SSBP2: variants seen among roughly 807,000 people sequenced by gnomAD.
SSBP2 encodes the protein single-stranded DNA-binding protein 2.
Under a neutral mutation model 61.8 loss-of-function variants are expected in SSBP2, and 17 were observed. The ratio of observed to expected loss-of-function variants is 0.28; its 90% confidence interval spans 0.19 to 0.41. SSBP2 has a LOEUF of 0.41. Ranked by LOEUF, SSBP2 falls within the 10% of genes least tolerant of loss-of-function variation. The pLI, the probability that SSBP2 is intolerant of heterozygous loss-of-function variation, is 1.00. For synonymous variants in SSBP2, 139 were observed against 141.3 expected (o/e 0.98, Z 0.12); for missense variants, 310 against 458.7 (o/e 0.68, Z 2.96).
At chr5:81,655,396 T>C (rs74822970) in intron 1 of SSBP2, among the ~76,000 whole-genome samples, 12,302 of 152,192 alleles carry the variant, frequency 0.081, 567 homozygotes, top group Middle Eastern at 0.11. Context: ...AAGAGTCAGC[T>C]GCAAAAAGTA....
chr5:81,715,855 G>A (rs946559838), intron 1 of SSBP2, among the ~76,000 whole-genome samples: 15 of 151,994 alleles, frequency 9.9e-5, no homozygotes, highest in South Asian at 6.2e-4. Flanking sequence ...CCAGGAGTTC[G>A]AGACCAGCCT....
At chr5:81,574,394 T>C (rs1290581971) in intron 4 of SSBP2, among the ~76,000 whole-genome samples, 5 of 150,636 alleles carry the variant, frequency 3.3e-5, no homozygotes, top group African/African-American at 4.9e-5. Context: ...AAACAAAAGA[T>C]GGAAAATACA....
chr5:81,633,202 G>C (rs1439887624), intron 3 of SSBP2, among the ~76,000 whole-genome samples: 1 of 134,672 alleles, frequency 7.4e-6, no homozygotes, highest in Non-Finnish European at 1.5e-5. Flanking sequence ...TGTAACCTCC[G>C]TCTCCCAGGT....
Position 81,469,584 on chromosome 5 carries a change from C to T in SSBP2, c.571-2543G>A, listed in dbSNP as rs536314531. Reference sequence around the variant, plus strand: ...TATACTTCCTGCTAAATAATAAGTACCTTGAAGGCAGCATATCTATGTTAC... The same window carrying T: ...TATACTTCCTGCTAAATAATAAGTATCTTGAAGGCAGCATATCTATGTTAC... On this transcript the variant is annotated intron_variant, in intron 8 of 16. Transcript: ENST00000320672. Among the ~76,000 whole-genome samples, 3 of 151,924 alleles carry T rather than the reference C, an allele frequency of 2.0e-5. No individual in the cohort carries two copies. In the South Asian group the frequency reaches 6.2e-4, roughly 32 times the overall value.
rs143912818 is a variant in SSBP2 at position 81,701,160 on chromosome 5, G to A, written c.62+49821C>T. Among the ~76,000 whole-genome samples the A allele has an allele frequency of 2.0e-5, 3 of 152,284 alleles. No individual in the cohort carries two copies. The East Asian group carries it at 5.8e-4, about 29-fold the overall frequency. On this transcript the variant is annotated intron_variant, in intron 1 of 16. Coordinates refer to ENST00000320672, the MANE Select transcript of SSBP2 (RefSeq NM_012446.5). ...TCTTCCTTTCACTTGAACACTTAGA[G>A]GCCATTGTAGGTTATTAATTGGCCT...
intron 16 of SSBP2, among the ~76,000 whole-genome samples, chr5:81,423,106 AT>A (rs1232583355): frequency 1.3e-5 from 2 of 152,234 alleles, no homozygotes; most frequent in African/African-American, 4.8e-5. Flanking sequence ...ATATGGCAAA[AT>A]GGGCACAGAT....
chr5:81,691,284 TC>T (rs1027235605), intron 1 of SSBP2, among the ~76,000 whole-genome samples: 4 of 151,928 alleles, frequency 2.6e-5, no homozygotes, highest in Non-Finnish European at 5.9e-5. Flanking sequence ...GTTGTTTTTT[TC>T]CAAAGATAAA....
intron 15 of SSBP2, among the ~76,000 whole-genome samples, chr5:81,431,486 C>T (rs1333687466): frequency 1.3e-5 from 2 of 152,096 alleles, no homozygotes; most frequent in Non-Finnish European, 2.9e-5. Context: ...CACATATATG[C>T]ACACACACAT....
intron 1 of SSBP2, among the ~76,000 whole-genome samples, chr5:81,653,071 A>G (rs193021865): frequency 2.6e-4 from 40 of 151,508 alleles, no homozygotes; most frequent in Admixed American, 9.2e-4. Flanking sequence ...TACATTAGGT[A>G]TTTCTCCTAA....
chr5:81,741,491 TTA>T (rs372360146), intron 1 of SSBP2, among the ~76,000 whole-genome samples: 4 of 152,066 alleles, frequency 2.6e-5, no homozygotes, highest in Admixed American at 1.3e-4. Flanking sequence ...AAATTTTAGG[TTA>T]TATATATATT....
intron 1 of SSBP2, among the ~76,000 whole-genome samples, chr5:81,688,589 A>C (rs558785178): frequency 1.3e-5 from 2 of 152,302 alleles, no homozygotes; most frequent in South Asian, 4.1e-4. Flanking sequence ...TGTTTGGAAG[A>C]AAGTAAAGAA....
intron 1 of SSBP2, among the ~76,000 whole-genome samples, chr5:81,675,142 T>C (rs938566646): frequency 3.3e-5 from 5 of 152,138 alleles, no homozygotes; most frequent in Non-Finnish European, 5.9e-5. Context: ...AGCACAAACA[T>C]ATACACATGC....
At chr5:81,724,816 T>A (rs1227202581) in intron 1 of SSBP2, among the ~76,000 whole-genome samples, 1 of 152,024 alleles carries the variant, frequency 6.6e-6, no homozygotes. Context: ...AATTAAGGAT[T>A]CCTTATCAAA....
chr5:81,558,292 G>A (rs1049600517), intron 4 of SSBP2, among the ~76,000 whole-genome samples: 1 of 152,074 alleles, frequency 6.6e-6, no homozygotes, highest in African/African-American at 2.4e-5. Context: ...AAAACTGGGT[G>A]GCTTAAACAA....
At chr5:81,678,784 A>C (rs556689769) in intron 1 of SSBP2, among the ~76,000 whole-genome samples, 1 of 152,294 alleles carries the variant, frequency 6.6e-6, no homozygotes, top group Admixed American at 6.5e-5. Context: ...GAAAAAAAAT[A>C]AAAGAACGCC....
intron 1 of SSBP2, among the ~76,000 whole-genome samples, chr5:81,729,252 G>A (rs1051634296): frequency 6.6e-6 from 1 of 152,012 alleles, no homozygotes; most frequent in African/African-American, 2.4e-5. Flanking sequence ...GGTTATATTT[G>A]CGCATAAAAA....
chr5:81,483,844 GCT>G (rs1766184315), intron 6 of SSBP2, among the ~76,000 whole-genome samples: 1 of 151,648 alleles, frequency 6.6e-6, no homozygotes, highest in South Asian at 2.1e-4. Flanking sequence ...CAAATTAAAA[GCT>G]CTTTACCACA....
chr5:81,499,931 TAA>T, intron 5 of SSBP2, among the ~76,000 whole-genome samples: 1 of 152,342 alleles, frequency 6.6e-6, no homozygotes, highest in Non-Finnish European at 1.5e-5. Flanking sequence ...GTTTTGTTCT[TAA>T]GTTTCTGATA....
chr5:81,608,991 A>T (rs1388357165), intron 4 of SSBP2, among the ~76,000 whole-genome samples: 1 of 152,174 alleles, frequency 6.6e-6, no homozygotes, highest in Non-Finnish European at 1.5e-5. Context: ...TAGAGATTCA[A>T]TTTAATTAGA....
Sources: allele counts gnomAD v4.1 joint callset (sites outside exome capture counted in the v4.1 genomes callset), GRCh38; gene constraint gnomAD v4.1.1; transcripts MANE v1.5; gene names NCBI Gene and HGNC (gene_info 2026-07-23, HGNC 2026-07-21).